CEP70: variants seen among roughly 807,000 people sequenced by gnomAD.
The protein encoded by CEP70 is centrosomal protein of 70 kDa.
CEP70 carries 70 observed loss-of-function variants against 90.9 expected under a neutral mutation model. The observed-to-expected ratio is 0.77, with a 90% CI of 0.64 to 0.94. The LOEUF is 0.94. CEP70 is among the 40% of genes least tolerant of loss of function. The pLI is 0.00. For missense variants in CEP70, 648 were observed against 669.0 expected, an observed-to-expected ratio of 0.97 and a Z score of 0.35; for synonymous variants, 220 against 228.3, an observed-to-expected ratio of 0.96 and a Z score of 0.33.
intron 10 of CEP70, among the ~76,000 whole-genome samples, chr3:138,526,898 T>A (rs2037305051): frequency 6.6e-6 from 1 of 152,224 alleles, no homozygotes; most frequent in Non-Finnish European, 1.5e-5. Context: ...TGCATTATAA[T>A]CATGAATCGT....
At chr3:138,583,597 A>G (rs1368072178) in intron 2 of CEP70, among the ~76,000 whole-genome samples, 1 of 152,198 alleles carries the variant, frequency 6.6e-6, no homozygotes, top group African/African-American at 2.4e-5. Flanking sequence ...CTGGAATAAT[A>G]TAAAGTATCT....
Position 138,525,553 on chromosome 3 carries a change from T to C in CEP70, c.881A>G (p.His294Arg), listed in dbSNP as rs200516983. 802 of 1,401,494 alleles carry C rather than the reference T, an allele frequency of 5.7e-4. 1 individual carries two copies. Among genetic ancestry groups the C allele is most frequent in the Non-Finnish European group, 6.8e-4 (726 of 1,064,076 alleles). 86.8% of individuals were successfully genotyped at this position (1,401,494 alleles called of 1,614,324 possible). A position where few individuals can be genotyped will look rare whatever the true frequency, so the allele number is the denominator to read the frequency against. ...QKDLETRPTQ[H>R]ELRLYKQQVK... ...CTGCTGTTTATAAAGTCTTAATTCA[T>C]GCTGCGTAGGCCTGTGGAAAATAAA... is the stretch of plus-strand genomic sequence containing the variant. Residue 294 changes from histidine (H) to arginine (R), a missense_variant, in exon 11 of 18, where the codon CAT becomes CGT. By Grantham distance (29) the His-to-Arg change is conservative (BLOSUM62 0). Transcript: ENST00000264982.
At chr3:138,495,153 T>C in intron 17 of CEP70, 77 bp from the exon 18 acceptor site, 2 of 838,346 alleles carry the variant, frequency 2.4e-6, no homozygotes, top group South Asian at 1.6e-5. Flanking sequence ...AGAACCTATA[T>C]GCAAAGGCAA....
intron 6 of CEP70, 62 bp downstream of exon 6, chr3:138,570,256 G>T: frequency 9.0e-7 from 1 of 1,106,268 alleles, no homozygotes; most frequent in South Asian, 1.7e-5. Flanking sequence ...GAAGTCACCT[G>T]GGACCATAAT....
At chr3:138,523,649 C>T (rs1183590659) in intron 11 of CEP70, among the ~76,000 whole-genome samples, 6 of 152,052 alleles carry the variant, frequency 3.9e-5, no homozygotes, top group Non-Finnish European at 7.4e-5. Flanking sequence ...ATAAAAAACC[C>T]AGGAATCCCA....
At chr3:138,541,424 GA>G (rs1421799272) in intron 6 of CEP70, among the ~76,000 whole-genome samples, 3 of 109,450 alleles carry the variant, frequency 2.7e-5, no homozygotes, top group Non-Finnish European at 5.9e-5. Context: ...AAAAGAAAAA[GA>G]AAAAGAAAAA....
At chr3:138,566,040 G>T (rs1055442673) in intron 6 of CEP70, among the ~76,000 whole-genome samples, 1 of 152,152 alleles carries the variant, frequency 6.6e-6, no homozygotes, top group Admixed American at 6.5e-5. Flanking sequence ...CTTGTCAAAA[G>T]AAGACATTTA....
intron 11 of CEP70, among the ~76,000 whole-genome samples, chr3:138,521,078 G>T (rs1339018529): frequency 6.6e-6 from 1 of 152,312 alleles, no homozygotes; most frequent in East Asian, 1.9e-4. Context: ...CCGAGGTGCC[G>T]GGATTGCAGA....
intron 2 of CEP70, among the ~76,000 whole-genome samples, chr3:138,582,720 T>C (rs994917843): frequency 2.0e-5 from 3 of 149,698 alleles, no homozygotes; most frequent in African/African-American, 7.4e-5. Context: ...GCCATAATCA[T>C]GCCACTGCAC....
intron 7 of CEP70, among the ~76,000 whole-genome samples, chr3:138,533,057 G>A (rs527711553): frequency 2.0e-5 from 3 of 152,236 alleles, no homozygotes; most frequent in Admixed American, 1.3e-4. Flanking sequence ...CAAGGCAGGC[G>A]GATCACAAGG....
chr3:138,556,567 C>T (rs2040021394), intron 6 of CEP70, among the ~76,000 whole-genome samples: 1 of 150,392 alleles, frequency 6.6e-6, no homozygotes, highest in African/African-American at 2.4e-5. Context: ...ATCAAGGAAC[C>T]TGCCCCCGAC....
intron 16 of CEP70, among the ~76,000 whole-genome samples, chr3:138,499,393 A>G (rs571773652): frequency 2.0e-5 from 3 of 152,308 alleles, no homozygotes; most frequent in African/African-American, 7.2e-5. Flanking sequence ...TAAATATACT[A>G]TTAATGATTA....
intron 10 of CEP70, among the ~76,000 whole-genome samples, chr3:138,526,993 T>C (rs1016802741): frequency 2.2e-5 from 3 of 136,000 alleles, no homozygotes. Flanking sequence ...ATAATCATGC[T>C]GAGTGAAAGA....
intron 11 of CEP70, among the ~76,000 whole-genome samples, chr3:138,513,213 G>A (rs2108744466): frequency 6.6e-6 from 1 of 152,290 alleles, no homozygotes; most frequent in Middle Eastern, 3.4e-3. Context: ...CGAGACAGTT[G>A]CAGTCAAGGA....
At chr3:138,561,616 C>T (rs1470209552) in intron 6 of CEP70, among the ~76,000 whole-genome samples, 1 of 152,042 alleles carries the variant, frequency 6.6e-6, no homozygotes, top group African/African-American at 2.4e-5. Flanking sequence ...CATGTTCTAA[C>T]CCAATGCAAG....
chr3:138,497,185 T>C lies in CEP70; in HGVS notation c.1732+846A>G. The C allele has an allele frequency of 3.4e-6, 4 of 1,189,250 alleles. No homozygotes were observed. The South Asian group carries it at 5.1e-5, about 15-fold the overall frequency. 73.7% of individuals were successfully genotyped at this position (1,189,250 alleles called of 1,614,324 possible). A position where few individuals can be genotyped will look rare whatever the true frequency, so the allele number is the denominator to read the frequency against. ...GCTTCCCCACTGCACATAAGACTGGTCACAAAACTTCCTTTATGTTCAGTA... is the reference window on the plus strand; with the variant it reads ...GCTTCCCCACTGCACATAAGACTGGCCACAAAACTTCCTTTATGTTCAGTA... On this transcript the variant is annotated intron_variant, in intron 17 of 17. Coordinates refer to ENST00000264982, the MANE Select transcript of CEP70 (RefSeq NM_024491.4).
Position 138,570,425 on chromosome 3 carries a change from C to T in CEP70, c.358G>A (p.Glu120Lys). 1.2e-6 allele frequency: 2 copies of T among 1,610,096 alleles called. No individual in the cohort carries two copies. The highest frequency in any genetic ancestry group is 1.1e-5 in the South Asian group (1 of 90,180). The change falls in exon 6 of 18, where the codon GAA (glutamate) becomes AAA (lysine). Residue 120 changes from glutamate to lysine, a missense_variant. Physicochemically the swap from Glu to Lys is moderately conservative, Grantham distance 56 (BLOSUM62 1). Coordinates refer to ENST00000264982, the MANE Select transcript of CEP70 (RefSeq NM_024491.4). ...TCACCAATTTTGGATTTCACACTTT[C>T]CATAATTTGTTCCAAGTCATTAGCT... Reference protein sequence around the residue: ...QRANDLEQIMESVKSKIGELE... With the variant: ...QRANDLEQIMKSVKSKIGELE...
At chr3:138,562,598 C>T (rs547306276) in intron 6 of CEP70, among the ~76,000 whole-genome samples, 75 of 152,254 alleles carry the variant, frequency 4.9e-4, no homozygotes, top group African/African-American at 1.8e-3. Flanking sequence ...TCATATCTAG[C>T]CAAACTAAGC....
rs2033879241 is a variant in CEP70, at chr3:138,495,205, A to G, written c.1733-129T>C. The G allele has an allele frequency of 5.1e-6, 3 of 583,522 alleles. No individual in the cohort carries two copies. In the Admixed American group the frequency reaches 9.8e-5, roughly 19 times the overall value. The allele number at this position is 583,522 out of a possible 1,614,324, so 36.1% of individuals were successfully genotyped here. A position where few individuals can be genotyped will look rare whatever the true frequency, so the allele number is the denominator to read the frequency against. On this transcript the variant is annotated intron_variant, in intron 17 of 17. Coordinates refer to ENST00000264982, the MANE Select transcript of CEP70 (RefSeq NM_024491.4). The stretch of plus-strand genomic sequence containing the variant: ...CAATAATACTGGTGCTTTTGTGCAC[A>G]TGAAGTTTTTCTCCGATAGTGATGA...
Sources: allele counts gnomAD v4.1 joint callset (sites outside exome capture counted in the v4.1 genomes callset), GRCh38; gene constraint gnomAD v4.1.1; transcripts MANE v1.5; gene names NCBI Gene and HGNC (gene_info 2026-07-23, HGNC 2026-07-21).